The following FBLN5 variants were observed in gnomAD, a reference collection of about 807,000 sequenced individuals.
FBLN5 encodes fibulin-5.
A neutral mutation model predicts 61.6 loss-of-function variants in FBLN5; 24 were observed. The ratio of observed to expected loss-of-function variants is 0.39; its 90% CI spans 0.28 to 0.55. The LOEUF (loss-of-function observed/expected upper bound fraction) is 0.55, where lower values mean the gene tolerates loss of function less well. FBLN5 is among the 20% of genes least tolerant of loss of function. FBLN5 has a pLI of 0.65. For synonymous variants in FBLN5, 213 were observed against 219.8 expected (o/e 0.97, Z 0.27); for missense variants, 470 against 594.1 (o/e 0.79, Z 2.17).
chr14:91,878,021 G>A (rs754021932), intron 9 of FBLN5: 2 of 455,948 alleles, frequency 4.4e-6, no homozygotes, highest in Non-Finnish European at 4.2e-6. Context: ...CTGGGCGGCA[G>A]AGCAAGACCC....
rs1888841646 is a variant in FBLN5 at position 91,869,973 on chromosome 14, A to AT, written c.*250dup. On this transcript the variant is annotated 3_prime_UTR_variant, in exon 11 of 11. Transcript: ENST00000342058. The stretch of plus-strand genomic sequence containing the variant: ...TGAAGGCCTTGAAAATTCACCAACA[A>AT]TCTTCTATCAGGGGAGCAATGATAA... The AT allele has an allele frequency of 5.9e-6, 3 of 511,848 alleles. No individual in the cohort carries two copies. Among genetic ancestry groups the AT allele is most frequent in the Non-Finnish European group, 1.1e-5 (3 of 280,894 alleles). 31.7% of individuals were successfully genotyped at this position (511,848 alleles called of 1,614,324 possible). A position where few individuals can be genotyped will look rare whatever the true frequency, so the allele number is the denominator to read the frequency against.
intron 3 of FBLN5, 87 bp from the exon 4 acceptor site, chr14:91,937,288 T>C: frequency 4.5e-6 from 7 of 1,562,310 alleles, no homozygotes; most frequent in Non-Finnish European, 6.1e-6. Context: ...GTACCAGGCG[T>C]GGAGGAAGCA....
intron 7 of FBLN5, among the ~76,000 whole-genome samples, chr14:91,885,377 A>G (rs1889680967): frequency 6.6e-6 from 1 of 152,206 alleles, no homozygotes. Flanking sequence ...TTAACATGTA[A>G]TGACTAAAAC....
chr14:91,942,271 G>T, intron 2 of FBLN5: 1 of 438,704 alleles, frequency 2.3e-6, no homozygotes, highest in South Asian at 1.6e-5. Context: ...ACTCCTCTGA[G>T]GGGTTTCAGC....
intron 4 of FBLN5, among the ~76,000 whole-genome samples, chr14:91,925,224 C>A (rs1286029477): frequency 6.6e-6 from 1 of 152,244 alleles, no homozygotes; most frequent in African/African-American, 2.4e-5. Context: ...CCGGCCCCAA[C>A]ATACCCGCCG....
intron 4 of FBLN5, among the ~76,000 whole-genome samples, chr14:91,936,594 A>G (rs147555849): frequency 5.9e-5 from 9 of 152,336 alleles, no homozygotes; most frequent in Admixed American, 4.6e-4. Flanking sequence ...ACTTACTGTA[A>G]TAAGTCTGAC....
intron 4 of FBLN5, among the ~76,000 whole-genome samples, chr14:91,924,286 T>C (rs543665242): frequency 6.6e-6 from 1 of 152,332 alleles, no homozygotes; most frequent in South Asian, 2.1e-4. Flanking sequence ...ATGTAGAAAC[T>C]GTACCTAATA....
At chr14:91,871,782 G>A (rs1326396472) in intron 10 of FBLN5, among the ~76,000 whole-genome samples, 1 of 151,896 alleles carries the variant, frequency 6.6e-6, no homozygotes, top group Non-Finnish European at 1.5e-5. Flanking sequence ...GCTTGAACCT[G>A]GGGGGCAGAG....
intron 4 of FBLN5, among the ~76,000 whole-genome samples, chr14:91,898,079 G>A (rs571870473): frequency 1.3e-5 from 2 of 152,154 alleles, no homozygotes; most frequent in Non-Finnish European, 2.9e-5. Flanking sequence ...TCAGTTATAC[G>A]ACACTTTTGT....
intron 4 of FBLN5, among the ~76,000 whole-genome samples, chr14:91,911,169 A>G (rs1890913764): frequency 6.6e-6 from 1 of 152,090 alleles, no homozygotes; most frequent in Non-Finnish European, 1.5e-5. Flanking sequence ...TTTTTAGTAG[A>G]GACGGGCTTT....
At chr14:91,876,235 C>T (rs1889155693) in intron 10 of FBLN5, among the ~76,000 whole-genome samples, 1 of 152,216 alleles carries the variant, frequency 6.6e-6, no homozygotes, top group Non-Finnish European at 1.5e-5. Flanking sequence ...GAAAGCCAGC[C>T]TTATCGGGAA....
At chr14:91,883,768 G>A (rs932058644) in intron 7 of FBLN5, among the ~76,000 whole-genome samples, 71 of 151,646 alleles carry the variant, frequency 4.7e-4, no homozygotes, top group African/African-American at 1.6e-3. Context: ...TTTGTGGCTC[G>A]CCTACCTCGG....
In FBLN5 at chr14:91,881,366, G is replaced by C; in HGVS notation, c.915C>G (p.Cys305Trp). ...RNHTCNLQQT[C>W]YNLQGGFKCI... ...ATTTGAAGCCCCCTTGTAAATTGTA[G>C]CACGTCTGCTGCAGGTTGCACGTGT... Residue 305 changes from cysteine to tryptophan, a missense_variant, in exon 9 of 11, where the codon TGC (cysteine) becomes TGG (tryptophan). Transcript: ENST00000342058. The C allele has an allele frequency of 6.2e-7, 1 of 1,614,142 alleles. No individual in the cohort carries two copies. Among genetic ancestry groups the C allele is most frequent in the Non-Finnish European group, 8.5e-7 (1 of 1,179,972 alleles).
chr14:91,939,444 A>G (rs1424040252), intron 3 of FBLN5, among the ~76,000 whole-genome samples: 1 of 149,074 alleles, frequency 6.7e-6, no homozygotes, highest in Non-Finnish European at 1.5e-5. Context: ...GGTTCAAACC[A>G]TTCTCCTGCC....
rs1307577825 is a variant in FBLN5 at position 91,870,481 on chromosome 14, G to T, written c.1186-96C>A. 10 of 1,235,492 alleles carry T rather than the reference G, an allele frequency of 8.1e-6. No individual in the cohort carries two copies. In the Admixed American group the frequency reaches 1.7e-4, roughly 21 times the overall value. The allele number at this position is 1,235,492 out of a possible 1,614,324, so 76.5% of individuals were successfully genotyped here. A position where few individuals can be genotyped will look rare whatever the true frequency, so the allele number is the denominator to read the frequency against. ...TCCCTTGCCTCCGTCAGTCAAACTG[G>T]CACCCCCTCGGTGCCTCAACTGTGC... On this transcript the variant is annotated intron_variant, in intron 10 of 10. Transcript: ENST00000342058.
At chr14:91,896,830 C>T (rs901022954) in intron 4 of FBLN5, among the ~76,000 whole-genome samples, 2 of 152,262 alleles carry the variant, frequency 1.3e-5, no homozygotes, top group African/African-American at 2.4e-5. Context: ...ACTTGATCAT[C>T]ATCCATTCAG....
intron 4 of FBLN5, among the ~76,000 whole-genome samples, chr14:91,899,101 C>A (rs1227324556): frequency 1.3e-5 from 2 of 152,064 alleles, no homozygotes; most frequent in Admixed American, 1.3e-4. Flanking sequence ...CGTGCCCGGC[C>A]CCCATTCATT....
chr14:91,877,646 T>C lies in FBLN5; in HGVS notation c.1026A>G (p.Arg342=). The C allele has an allele frequency of 6.2e-7, 1 of 1,614,120 alleles. No homozygotes were observed. ...CMCPAENPGC[R]DQPFTILYRD... is the part of the protein sequence containing the mutation. ...GGTACAAGATGGTAAAGGGCTGGTC[T>C]CTGCAGCCAGGGTTCTCAGCAGGAC... The change falls in exon 10 of 11, where the codon AGA becomes AGG. Residue 342 remains arginine (R), a synonymous_variant. Transcript: ENST00000342058.
intron 4 of FBLN5, among the ~76,000 whole-genome samples, chr14:91,906,943 C>T (rs931889666): frequency 2.6e-5 from 4 of 152,172 alleles, no homozygotes; most frequent in Non-Finnish European, 4.4e-5. Flanking sequence ...AGACAAGGGA[C>T]GAGGTAATCC....
Sources: allele counts gnomAD v4.1 joint callset (sites outside exome capture counted in the v4.1 genomes callset), GRCh38; gene constraint gnomAD v4.1.1; transcripts MANE v1.5; gene names NCBI Gene and HGNC (gene_info 2026-07-23, HGNC 2026-07-21).